ADGRB3: variants seen among roughly 807,000 people sequenced by gnomAD.
The protein encoded by ADGRB3 is brain-specific angiogenesis inhibitor 3.
ADGRB3 carries 37 observed loss-of-function variants against 193.4 expected under a neutral mutation model. That is an observed-to-expected ratio of 0.19 (90% CI 0.15 to 0.25). ADGRB3 has a LOEUF of 0.25. ADGRB3 is among the 10% of genes least tolerant of loss of function. The pLI is 1.00. For synonymous variants in ADGRB3, 690 were observed against 644.2 expected (o/e 1.07, Z -1.08); for missense variants, 1,637 against 1,852.9 (o/e 0.88, Z 2.14).
At position 69,352,981 on chromosome 6, in the gene ADGRB3, A is replaced by G. The variant is rs191379205; in HGVS notation, c.3460-1252A>G. 3.5e-4 allele frequency among the ~76,000 whole-genome samples: 53 copies of G among 152,350 alleles called. No individual in the cohort carries two copies. In the East Asian group the frequency reaches 6.8e-3, roughly 19 times the overall value. ...CCAATAAAACAGAGTGTAATAAACA[A>G]GAAAGGGAAAGTCAATAATATGAAG... On this transcript the variant is annotated intron_variant, in intron 26 of 31. Coordinates refer to ENST00000370598, the MANE Select transcript of ADGRB3 (RefSeq NM_001704.3).
At chr6:68,954,209 G>A (rs1215164290) in intron 6 of ADGRB3, among the ~76,000 whole-genome samples, 1 of 152,088 alleles carries the variant, frequency 6.6e-6, no homozygotes, top group African/African-American at 2.4e-5. Context: ...AGATGGTATT[G>A]TCTTTAAACA....
chr6:69,326,756 A>T (rs957412175), intron 21 of ADGRB3, among the ~76,000 whole-genome samples: 2 of 152,152 alleles, frequency 1.3e-5, no homozygotes, highest in Non-Finnish European at 2.9e-5. Context: ...AATCAAAAAA[A>T]ATCAACAAAT....
chr6:69,113,928 T>C (rs1243081133), intron 17 of ADGRB3, among the ~76,000 whole-genome samples: 3 of 152,194 alleles, frequency 2.0e-5, no homozygotes, highest in Non-Finnish European at 2.9e-5. Context: ...TTCAAATGCA[T>C]ATTAAAACAA....
chr6:69,316,994 T>G (rs1364651884), intron 20 of ADGRB3, among the ~76,000 whole-genome samples: 1 of 151,512 alleles, frequency 6.6e-6, no homozygotes. Flanking sequence ...GTAGTTACTA[T>G]TTTTTGATAT....
rs186599172 is a variant in ADGRB3, at chr6:69,088,060, G to A, written c.2480+12022G>A. 1.0e-3 allele frequency among the ~76,000 whole-genome samples: 154 copies of A among 152,252 alleles called. 1 individual carries two copies. The highest frequency in any genetic ancestry group is 3.6e-3 in the African/African-American group (151 of 41,546). On this transcript the variant is annotated intron_variant, in intron 17 of 31. Transcript: ENST00000370598. ...TCTTAAATGGAATTGGTTTTCTCAG[G>A]GAGGTCTCTCCCTTTTATGGATTTC... is the stretch of plus-strand genomic sequence containing the variant.
At chr6:69,283,482 A>C (rs563671028) in intron 20 of ADGRB3, among the ~76,000 whole-genome samples, 1 of 152,194 alleles carries the variant, frequency 6.6e-6, no homozygotes, top group South Asian at 2.1e-4. Flanking sequence ...TCTTCACTCC[A>C]CCAGGCAAGA....
At chr6:69,170,810 A>T (rs536145313) in intron 17 of ADGRB3, among the ~76,000 whole-genome samples, 3 of 152,238 alleles carry the variant, frequency 2.0e-5, no homozygotes, top group Non-Finnish European at 4.4e-5. Context: ...GGGAATTCAG[A>T]TATGGAATTA....
At chr6:68,851,549 A>G (rs1396241152) in intron 3 of ADGRB3, among the ~76,000 whole-genome samples, 3 of 151,928 alleles carry the variant, frequency 2.0e-5, no homozygotes, top group Non-Finnish European at 4.4e-5. Flanking sequence ...ATTATGCTGC[A>G]TAAACTATGG....
At chr6:69,247,981 C>A (rs940243074) in intron 20 of ADGRB3, among the ~76,000 whole-genome samples, 3 of 152,014 alleles carry the variant, frequency 2.0e-5, no homozygotes, top group Admixed American at 2.0e-4. Flanking sequence ...GTTTTTGAGA[C>A]CCTCCTTTGA....
intron 17 of ADGRB3, among the ~76,000 whole-genome samples, chr6:69,140,604 A>G (rs767063014): frequency 6.6e-6 from 1 of 152,206 alleles, no homozygotes; most frequent in South Asian, 2.1e-4. Context: ...CAGGATGACT[A>G]TTGTCAATAA....
At chr6:68,799,504 T>C (rs1354087413) in intron 3 of ADGRB3, among the ~76,000 whole-genome samples, 1 of 152,206 alleles carries the variant, frequency 6.6e-6, no homozygotes, top group Non-Finnish European at 1.5e-5. Flanking sequence ...TTCTCTGTTC[T>C]TAGATACAAA....
chr6:69,293,779 G>C (rs1413698040), intron 20 of ADGRB3, among the ~76,000 whole-genome samples: 1 of 152,128 alleles, frequency 6.6e-6, no homozygotes, highest in African/African-American at 2.4e-5. Flanking sequence ...CATCCACTTG[G>C]GTAGAGAAGG....
intron 11 of ADGRB3, among the ~76,000 whole-genome samples, chr6:69,005,123 T>C (rs78636119): frequency 0.076 from 11,576 of 152,114 alleles, 546 homozygotes; most frequent in Non-Finnish European, 0.11. Flanking sequence ...ACATTGGGTG[T>C]TCTCCCAGGC....
At chr6:68,852,480 G>A (rs990967634) in intron 3 of ADGRB3, among the ~76,000 whole-genome samples, 3 of 151,940 alleles carry the variant, frequency 2.0e-5, no homozygotes, top group Non-Finnish European at 4.4e-5. Flanking sequence ...ACAATAACTT[G>A]TATATCGTTA....
At chr6:69,320,532 T>A (rs978562853) in intron 20 of ADGRB3, among the ~76,000 whole-genome samples, 7 of 151,514 alleles carry the variant, frequency 4.6e-5, no homozygotes, top group Non-Finnish European at 8.9e-5. Flanking sequence ...CTTGAGGTAA[T>A]TAACTTCAAA....
chr6:68,910,554 C>G (rs562390770), intron 3 of ADGRB3, among the ~76,000 whole-genome samples: 1 of 152,288 alleles, frequency 6.6e-6, no homozygotes, highest in East Asian at 1.9e-4. Flanking sequence ...ACATTTAAGT[C>G]TTTAATCCAT....
intron 3 of ADGRB3, among the ~76,000 whole-genome samples, chr6:68,670,357 A>G (rs761470656): frequency 2.6e-5 from 4 of 152,134 alleles, no homozygotes; most frequent in East Asian, 1.9e-4. Context: ...CAGTGGCCAC[A>G]AGATTTTCCC....
rs138356526 is a variant in ADGRB3 at position 69,137,859 on chromosome 6, T to C, written c.2480+61821T>C. Among the ~76,000 whole-genome samples the C allele has an allele frequency of 2.0e-4, 30 of 152,304 alleles. No individual in the cohort carries two copies. The East Asian group carries it at 4.8e-3, about 24-fold the overall frequency. On this transcript the variant is annotated intron_variant, in intron 17 of 31. Coordinates refer to ENST00000370598, the MANE Select transcript of ADGRB3 (RefSeq NM_001704.3). ...ACGATGCCTAAACACAATAGATACC[T>C]TTCTCTGCCTCATGTTAACAGAACA...
At chr6:69,000,816 A>C (rs2150278811) in intron 11 of ADGRB3, among the ~76,000 whole-genome samples, 1 of 152,380 alleles carries the variant, frequency 6.6e-6, no homozygotes, top group Non-Finnish European at 1.5e-5. Flanking sequence ...AAATTTTAAC[A>C]CATAGGTCGA....
Sources: allele counts gnomAD v4.1 joint callset (sites outside exome capture counted in the v4.1 genomes callset), GRCh38; gene constraint gnomAD v4.1.1; transcripts MANE v1.5; gene names NCBI Gene and HGNC (gene_info 2026-07-23, HGNC 2026-07-21).